STS: variants seen among roughly 807,000 people sequenced by gnomAD.
The protein encoded by STS is steryl-sulfatase.
STS carries 7 observed loss-of-function variants against 26.8 expected under a neutral mutation model. The ratio of observed to expected loss-of-function variants is 0.26; its 90% CI spans 0.15 to 0.49. The LOEUF (loss-of-function observed/expected upper bound fraction) is 0.49, where lower values mean the gene tolerates loss of function less well. Ranked by LOEUF, STS falls within the 20% of genes least tolerant of loss-of-function variation. The pLI is 0.98. For missense variants in STS, 434 were observed against 465.6 expected (o/e 0.93, Z 0.63); for synonymous variants, 199 against 189.4 (o/e 1.05, Z -0.42).
At chrX:7,288,148 T>A (rs1289755505) in intron 7 of STS, among the ~76,000 whole-genome samples, 4 of 59,774 alleles carry the variant, frequency 6.7e-5, no homozygotes, top group African/African-American at 3.2e-4. Flanking sequence ...CTGCAAATAT[T>A]TTTCCTGCCT....
At chrX:7,334,263 C>T (rs1027780426) in intron 10 of STS, among the ~76,000 whole-genome samples, 156 bp downstream of exon 10, 4 of 111,349 alleles carry the variant, frequency 3.6e-5, no homozygotes, top group Non-Finnish European at 5.7e-5. Flanking sequence ...TTTCCCTCCT[C>T]CTCCTCTCTT....
intron 2 of STS, among the ~76,000 whole-genome samples, chrX:7,208,645 C>CT (rs1920968256): frequency 8.9e-6 from 1 of 111,915 alleles, no homozygotes; most frequent in South Asian, 3.7e-4. Context: ...TTTCTTCTTT[C>CT]TTTCCTACCT....
At chrX:7,343,339 C>T (rs1459926677) in intron 10 of STS, among the ~76,000 whole-genome samples, 1 of 111,961 alleles carries the variant, frequency 8.9e-6, no homozygotes, top group Non-Finnish European at 1.9e-5. Context: ...AAAAAAATGT[C>T]TTACGACATG....
chrX:7,299,650 A>G (rs1176649524), intron 7 of STS, among the ~76,000 whole-genome samples: 1 of 110,643 alleles, frequency 9.0e-6, no homozygotes, highest in Non-Finnish European at 1.9e-5. Flanking sequence ...AACTAAAATG[A>G]CAAGGATTTG....
intron 1 of STS, among the ~76,000 whole-genome samples, chrX:7,183,722 G>A (rs184968781): frequency 3.3e-4 from 37 of 111,938 alleles, no homozygotes; most frequent in African/African-American, 8.4e-4. Flanking sequence ...TTGTAATACC[G>A]GCCGGGCATA....
At chrX:7,347,984 T>C (rs1206015973) in intron 10 of STS, among the ~76,000 whole-genome samples, 1 of 112,164 alleles carries the variant, frequency 8.9e-6, no homozygotes, top group East Asian at 2.8e-4. Context: ...GAATTCTTCC[T>C]GCAGCCTGGC....
In STS at chrX:7,253,251, G is replaced by A. The variant is rs377179856; in HGVS notation, c.52G>A (p.Ala18Thr). Residue 18 changes from alanine (A) to threonine (T), a missense_variant, in exon 3 of 11, where the codon GCA becomes ACA. By Grantham distance (58) the Ala-to-Thr change is moderately conservative. This residue lies in a region of STS where 229 missense variants were observed against 288.3 expected (regional missense o/e 0.79). Coordinates refer to ENST00000674429, the MANE Select transcript of STS (RefSeq NM_001320752.2). ...CTTTCTGTGGGAAGCCGAGAGCCAC[G>A]CAGCATCAAGGCCGAACATCATCCT... ...LFFLWEAESH[A>T]ASRPNIILVM... 6.5e-5 allele frequency: 79 copies of A among 1,209,400 alleles called. 1 individual carries two copies. The highest frequency in any genetic ancestry group is 6.5e-4 in the East Asian group (22 of 33,733).
intron 6 of STS, among the ~76,000 whole-genome samples, chrX:7,262,978 G>A (rs1028286943): frequency 4.4e-5 from 5 of 112,402 alleles, no homozygotes; most frequent in African/African-American, 9.7e-5. Context: ...GACATGTACC[G>A]CATAATAACA....
intron 2 of STS, among the ~76,000 whole-genome samples, chrX:7,208,064 C>T (rs867811880): frequency 1.8e-5 from 2 of 112,130 alleles, no homozygotes; most frequent in African/African-American, 6.5e-5. Context: ...TTATCTATTA[C>T]GGTAAAATCC....
intron 6 of STS, among the ~76,000 whole-genome samples, chrX:7,267,898 T>C (rs1924083212): frequency 8.9e-6 from 1 of 112,098 alleles, no homozygotes; most frequent in Admixed American, 9.5e-5. Context: ...GGATAACTCT[T>C]GTTCTTTATA....
intron 8 of STS, among the ~76,000 whole-genome samples, chrX:7,309,909 A>G (rs141398262): frequency 0.042 from 4,704 of 111,591 alleles, 230 homozygotes; most frequent in African/African-American, 0.14. Flanking sequence ...TATACTTTGG[A>G]TATAATTCTG....
intron 1 of STS, among the ~76,000 whole-genome samples, chrX:7,149,813 A>G (rs1249538785): frequency 5.4e-5 from 6 of 111,119 alleles, no homozygotes; most frequent in South Asian, 7.6e-4. Context: ...ATCTTGTCCT[A>G]TCGTCTTCCC....
chrX:7,331,739 G>A (rs1927756999), intron 9 of STS, among the ~76,000 whole-genome samples: 1 of 110,746 alleles, frequency 9.0e-6, no homozygotes, highest in Admixed American at 9.7e-5. Context: ...TAAAAGTTTA[G>A]CTCAACAGGG....
At chrX:7,205,422 T>C (rs1367582611) in intron 2 of STS, among the ~76,000 whole-genome samples, 6 of 111,377 alleles carry the variant, frequency 5.4e-5, no homozygotes, top group African/African-American at 2.0e-4. Context: ...CATGAAGGCT[T>C]TCTCCCCATA....
intron 2 of STS, among the ~76,000 whole-genome samples, chrX:7,216,709 A>G (rs1217861895): frequency 9.0e-6 from 1 of 111,555 alleles, no homozygotes; most frequent in Admixed American, 9.5e-5. Flanking sequence ...AACTGATCCA[A>G]CATTTGACTA....
chrX:7,218,657 C>T (rs1028969947), intron 2 of STS, among the ~76,000 whole-genome samples: 1 of 112,144 alleles, frequency 8.9e-6, no homozygotes, highest in Non-Finnish European at 1.9e-5. Context: ...CAAAGAAGTG[C>T]ACAGATAATC....
chrX:7,325,365 G>C lies in STS; in HGVS notation c.1108G>C (p.Gly370Arg). ...AGGAAAAGCAAACAACTGGGAAGGA[G>C]GTATCCGGGTTCCAGGCATCCTTCG... ...KGGKANNWEGGIRVPGILRWP... is the reference protein window; with the variant it reads ...KGGKANNWEGRIRVPGILRWP... Residue 370 changes from glycine (G) to arginine (R), a missense_variant, in exon 9 of 11, where the codon GGT becomes CGT. Around this residue, in one of 2 missense-constraint regions of STS, gnomAD observed 205 missense variants for 177.3 expected, o/e 1.16. Transcript: ENST00000674429. 8.3e-7 allele frequency: 1 copy of C among 1,211,393 alleles called. No homozygotes were observed. Among genetic ancestry groups the C allele is most frequent in the Non-Finnish European group, 1.1e-6 (1 of 895,355 alleles).
At chrX:7,323,753 C>G (rs1331889424) in intron 8 of STS, among the ~76,000 whole-genome samples, 1 of 111,784 alleles carries the variant, frequency 8.9e-6, no homozygotes, top group African/African-American at 3.3e-5. Context: ...AATGGGTCCT[C>G]AAGGTGTTGG....
rs1425285389 is a variant in STS, at chrX:7,351,806, C to T, written c.*1545C>T. ...TTTCTGAAAGTTGGCTATAATTTCT[C>T]TATCCCTACCCACAACCCTGGGAAG... On this transcript the variant is annotated 3_prime_UTR_variant, in exon 11 of 11. Coordinates refer to ENST00000674429, the MANE Select transcript of STS (RefSeq NM_001320752.2). The T allele has an allele frequency of 9.1e-6, 1 of 110,292 alleles. No homozygotes were observed. The highest frequency in any genetic ancestry group is 9.7e-5 in the Admixed American group (1 of 10,263). The allele number at this position is 110,292 out of a possible 1,213,427, so 9.1% of individuals were successfully genotyped here. A position where few individuals can be genotyped will look rare whatever the true frequency, so the allele number is the denominator to read the frequency against.
Sources: gnomAD v4.1 joint callset for allele counts (sites outside exome capture counted in the v4.1 genomes callset) on GRCh38, gnomAD v4.1.1 for gene constraint, gnomAD v4.1.1 regional missense constraint, MANE v1.5 for transcripts, NCBI Gene and HGNC (gene_info 2026-07-23, HGNC 2026-07-21) for gene names.